MKRN2: variants seen among roughly 807,000 people sequenced by gnomAD.
MKRN2 encodes makorin ring finger protein 2.
Under a neutral mutation model 45.4 loss-of-function variants are expected in MKRN2, and 32 were observed. The ratio of observed to expected loss-of-function variants is 0.70; its 90% CI spans 0.53 to 0.95. The LOEUF is 0.95. MKRN2 is among the 40% of genes least tolerant of loss of function. The pLI is 0.00. For missense variants in MKRN2, 526 were observed against 536.7 expected (o/e 0.98, Z 0.20); for synonymous variants, 206 against 192.4 (o/e 1.07, Z -0.59).
Position 12,572,187 on chromosome 3 carries a change from G to C in MKRN2, c.456G>C (p.Arg152Ser). ...CGCATTCCTACCTGGATGCCATCAG[G>C]AGTGGCCTTGATGACGTGGAGGCCA... ...MKPHSYLDAI[R>S]SGLDDVEASS... Residue 152 changes from arginine (R) to serine (S), a missense_variant, in exon 4 of 8, where the codon AGG becomes AGC. Coordinates refer to ENST00000170447, the MANE Select transcript of MKRN2 (RefSeq NM_014160.5). 1.9e-6 allele frequency: 3 copies of C among 1,614,094 alleles called. No individual in the cohort carries two copies. The highest frequency in any genetic ancestry group is 2.5e-6 in the Non-Finnish European group (3 of 1,180,006).
At chr3:12,576,250 C>T (rs1049594099) in intron 5 of MKRN2, among the ~76,000 whole-genome samples, 2 of 147,660 alleles carry the variant, frequency 1.4e-5, no homozygotes, top group Non-Finnish European at 3.0e-5. Flanking sequence ...GCTTTAAGTT[C>T]TGGGGTACAT....
At chr3:12,574,511 A>T (rs2058119021) in intron 4 of MKRN2, among the ~76,000 whole-genome samples, 1 of 152,170 alleles carries the variant, frequency 6.6e-6, no homozygotes, top group Non-Finnish European at 1.5e-5. Context: ...ACTGCAGTTT[A>T]ACCTTTTTGG....
chr3:12,567,727 G>C (rs937769405), intron 1 of MKRN2, among the ~76,000 whole-genome samples: 11 of 151,978 alleles, frequency 7.2e-5, no homozygotes, highest in African/African-American at 2.2e-4. Flanking sequence ...CCGACCTCAG[G>C]TGATGCGCCC....
chr3:12,562,863 C>T (rs957210512), intron 1 of MKRN2, among the ~76,000 whole-genome samples: 1 of 151,946 alleles, frequency 6.6e-6, no homozygotes, highest in Non-Finnish European at 1.5e-5. Context: ...TGCAGAAAAA[C>T]AAGCTCAGTG....
Position 12,576,631 on chromosome 3 carries a change from G to A in MKRN2, c.858G>A (p.Lys286=), listed in dbSNP as rs1489553795. The A allele has an allele frequency of 1.3e-6, 2 of 1,585,898 alleles. No individual in the cohort carries two copies. The highest frequency in any genetic ancestry group is 1.3e-5 in the African/African-American group (1 of 74,140). ...CAKQFENPII[K]SCPECRVISE... ...CTTAGTAATCTAATTCTTATTTCAG[G>A]TCTTGTCCAGAATGCCGTGTGATAT... Residue 286 remains lysine (K), a splice_region_variant and synonymous_variant, in exon 6 of 8, where the codon AAG becomes AAA. Coordinates refer to ENST00000170447, the MANE Select transcript of MKRN2 (RefSeq NM_014160.5).
chr3:12,558,472 T>C (rs962795053), intron 1 of MKRN2, among the ~76,000 whole-genome samples: 1 of 152,208 alleles, frequency 6.6e-6, no homozygotes, highest in Non-Finnish European at 1.5e-5. Flanking sequence ...CTCCCCTCGC[T>C]CTATGGTTTA....
In MKRN2 at chr3:12,576,838, G is replaced by A. The variant is rs189302031; in HGVS notation, c.968+97G>A. ...CCTTCCCAGGAGTGTGGTCTTAGGG[G>A]CCTCTTCCTCTCTTCCTTCTCTCAG... On this transcript the variant is annotated intron_variant, in intron 6 of 7. Coordinates refer to ENST00000170447, the MANE Select transcript of MKRN2 (RefSeq NM_014160.5). The A allele has an allele frequency of 1.2e-3, 904 of 770,636 alleles. 2 individuals are homozygous for A. Among genetic ancestry groups the A allele is most frequent in the Non-Finnish European group, 1.1e-3 (531 of 468,542 alleles). 47.7% of individuals were successfully genotyped at this position (770,636 alleles called of 1,614,324 possible).
At chr3:12,567,203 C>G (rs1227782401) in intron 1 of MKRN2, among the ~76,000 whole-genome samples, 3 of 137,422 alleles carry the variant, frequency 2.2e-5, no homozygotes, top group African/African-American at 5.9e-5. Context: ...TACTTGCTAT[C>G]AGCTTGTGTT....
At chr3:12,565,923 G>A (rs1406034367) in intron 1 of MKRN2, among the ~76,000 whole-genome samples, 1 of 152,096 alleles carries the variant, frequency 6.6e-6, no homozygotes, top group African/African-American at 2.4e-5. Context: ...CCAGGCTGGA[G>A]TACAGTGGTG....
At chr3:12,557,861 G>A (rs74763449) in intron 1 of MKRN2, among the ~76,000 whole-genome samples, 4,718 of 152,276 alleles carry the variant, frequency 0.031, 248 homozygotes, top group African/African-American at 0.11. Flanking sequence ...AGCCATTTAC[G>A]AGGAGAAATG....
chr3:12,574,258 C>G (rs983842400), intron 4 of MKRN2, among the ~76,000 whole-genome samples: 24 of 152,324 alleles, frequency 1.6e-4, no homozygotes, highest in African/African-American at 5.8e-4. Context: ...CCTAGGTCTT[C>G]TCACTCTTGC....
chr3:12,575,501 CA>C (rs747515436), intron 5 of MKRN2, among the ~76,000 whole-genome samples: 1 of 152,182 alleles, frequency 6.6e-6, no homozygotes, highest in South Asian at 2.1e-4. Flanking sequence ...TCCAGCAGGA[CA>C]GGGGAAGAGC....
chr3:12,565,560 G>A (rs1285790251), intron 1 of MKRN2, among the ~76,000 whole-genome samples: 1 of 111,976 alleles, frequency 8.9e-6, no homozygotes, highest in Non-Finnish European at 1.7e-5. Context: ...TTGGGAGACA[G>A]GGTCTCACTC....
chr3:12,563,435 G>A (rs911949998), intron 1 of MKRN2, among the ~76,000 whole-genome samples: 6 of 151,434 alleles, frequency 4.0e-5, no homozygotes, highest in Non-Finnish European at 7.4e-5. Context: ...TGGGCCTCTC[G>A]GGCCTCCCTG....
chr3:12,578,643 G>A (rs2058158267), intron 6 of MKRN2, among the ~76,000 whole-genome samples: 1 of 152,024 alleles, frequency 6.6e-6, no homozygotes. Flanking sequence ...CTTAGCCTTT[G>A]CCATTGCTAT....
At chr3:12,559,163 G>A (rs1007380753) in intron 1 of MKRN2, among the ~76,000 whole-genome samples, 4 of 152,162 alleles carry the variant, frequency 2.6e-5, no homozygotes, top group Non-Finnish European at 5.9e-5. Context: ...AAGGAGTCAG[G>A]GCTCCCGATG....
At chr3:12,558,421 T>C (rs1386944332) in intron 1 of MKRN2, among the ~76,000 whole-genome samples, 1 of 152,202 alleles carries the variant, frequency 6.6e-6, no homozygotes, top group African/African-American at 2.4e-5. Context: ...CATTGTGCAC[T>C]GTAAAGCAGC....
chr3:12,579,353 G>A (rs563653821), intron 6 of MKRN2, among the ~76,000 whole-genome samples: 2 of 152,186 alleles, frequency 1.3e-5, no homozygotes, highest in African/African-American at 2.4e-5. Context: ...TTTTAGTAGG[G>A]ATGGGGTTTC....
At chr3:12,564,065 C>G (rs1028019665) in intron 1 of MKRN2, among the ~76,000 whole-genome samples, 1 of 151,938 alleles carries the variant, frequency 6.6e-6, no homozygotes, top group Non-Finnish European at 1.5e-5. Flanking sequence ...CCTGCCTCGG[C>G]CCCCAAAGTA....
Sources: allele counts gnomAD v4.1 joint callset (sites outside exome capture counted in the v4.1 genomes callset), GRCh38; gene constraint gnomAD v4.1.1; transcripts MANE v1.5; gene names NCBI Gene and HGNC (gene_info 2026-07-23, HGNC 2026-07-21).